DLGAP2: variants seen among roughly 807,000 people sequenced by gnomAD.
DLGAP2 encodes DLG associated protein 2.
A neutral mutation model predicts 100.3 loss-of-function variants in DLGAP2; 26 were observed. That is an observed-to-expected ratio of 0.26 (90% CI 0.19 to 0.36). The LOEUF (loss-of-function observed/expected upper bound fraction) is 0.36. Ranked by LOEUF, DLGAP2 falls within the 10% of genes least tolerant of loss-of-function variation. The probability of loss-of-function intolerance (pLI) is 1.00; values close to 1 mark genes in which losing one functional copy is unlikely to be tolerated. For synonymous variants in DLGAP2, 886 were observed against 630.1 expected (o/e 1.41, Z -6.08); for missense variants, 1,858 against 1,453.2 (o/e 1.28, Z -4.53).
At chr8:1,456,848 G>A (rs191198178) in intron 3 of DLGAP2, among the ~76,000 whole-genome samples, 1 of 152,220 alleles carries the variant, frequency 6.6e-6, no homozygotes, top group East Asian at 1.9e-4. Context: ...GACGTCAGCA[G>A]GCTGTGCACT....
At chr8:1,466,543 G>GTGTGTGTT (rs1798632550) in intron 3 of DLGAP2, among the ~76,000 whole-genome samples, 1 of 138,090 alleles carries the variant, frequency 7.2e-6, no homozygotes, top group African/African-American at 2.7e-5. Context: ...GTGTGTGTGT[G>GTGTGTGTT]TATGTGTGTG....
chr8:1,675,164 A>G (rs1239992692), intron 10 of DLGAP2, among the ~76,000 whole-genome samples: 1 of 152,102 alleles, frequency 6.6e-6, no homozygotes, highest in Non-Finnish European at 1.5e-5. Flanking sequence ...TCAGAATTAC[A>G]CCCGGTGAAA....
At chr8:1,270,830 G>A (rs975099247) in intron 3 of DLGAP2, among the ~76,000 whole-genome samples, 1 of 151,812 alleles carries the variant, frequency 6.6e-6, no homozygotes. Flanking sequence ...CTACCTCTCT[G>A]TGTGTGTGTC....
At chr8:1,301,643 C>G (rs767947398) in intron 3 of DLGAP2, 2 of 152,164 alleles carry the variant, frequency 1.3e-5, no homozygotes, top group African/African-American at 2.4e-5. Flanking sequence ...AAGGAAGGGC[C>G]CAACATAAGC....
chr8:952,753 G>C (rs1001932334), intron 2 of DLGAP2, among the ~76,000 whole-genome samples: 1 of 152,152 alleles, frequency 6.6e-6, no homozygotes, highest in African/African-American at 2.4e-5. Flanking sequence ...GTGATGAGTA[G>C]CATTATTTTA....
intron 2 of DLGAP2, among the ~76,000 whole-genome samples, chr8:1,053,509 G>A (rs772161059): frequency 1.3e-5 from 2 of 152,100 alleles, no homozygotes; most frequent in Non-Finnish European, 2.9e-5. Context: ...CAGGGGTTTT[G>A]AAACCTGGGA....
At chr8:1,080,297 G>C (rs773166688) in intron 2 of DLGAP2, among the ~76,000 whole-genome samples, 9 of 152,072 alleles carry the variant, frequency 5.9e-5, no homozygotes, top group Non-Finnish European at 1.3e-4. Context: ...CCCGCGTGCT[G>C]CTGTGCTCTC....
At chr8:862,238 C>T (rs1051539011) in intron 1 of DLGAP2, among the ~76,000 whole-genome samples, 10 of 151,624 alleles carry the variant, frequency 6.6e-5, no homozygotes, top group Admixed American at 4.6e-4. Context: ...CTGTGGTGGA[C>T]GGTACCCTTT....
At chr8:1,513,442 C>T (rs1304590071) in intron 4 of DLGAP2, among the ~76,000 whole-genome samples, 3 of 152,096 alleles carry the variant, frequency 2.0e-5, no homozygotes, top group Admixed American at 6.5e-5. Context: ...GATACACGTC[C>T]GCCTTTCCCT....
intron 1 of DLGAP2, among the ~76,000 whole-genome samples, chr8:769,756 C>A (rs936519843): frequency 2.6e-5 from 4 of 152,140 alleles, no homozygotes; most frequent in African/African-American, 9.7e-5. Context: ...CTCTTGCGTT[C>A]CCTGGGATTC....
At chr8:946,505 T>G (rs574366787) in intron 2 of DLGAP2, among the ~76,000 whole-genome samples, 2 of 152,064 alleles carry the variant, frequency 1.3e-5, no homozygotes, top group Admixed American at 6.5e-5. Context: ...CCTTGTGATC[T>G]GCCCGCCTTG....
At chr8:823,841 G>A (rs1418803285) in intron 1 of DLGAP2, among the ~76,000 whole-genome samples, 3 of 152,134 alleles carry the variant, frequency 2.0e-5, no homozygotes, top group South Asian at 2.1e-4. Context: ...AAGAGTCTGC[G>A]GCCTGGGTCC....
At chr8:788,300 G>C (rs926298640) in intron 1 of DLGAP2, among the ~76,000 whole-genome samples, 3 of 152,250 alleles carry the variant, frequency 2.0e-5, no homozygotes, top group African/African-American at 4.8e-5. Flanking sequence ...GTCTGGTCGA[G>C]ATAGCAGCAT....
At position 1,619,472 on chromosome 8, in the gene DLGAP2, A is replaced by G. The variant is rs149587701; in HGVS notation, c.1443-7268A>G. Among the ~76,000 whole-genome samples the G allele has an allele frequency of 8.5e-4, 130 of 152,312 alleles. 2 individuals carry two copies. The South Asian group carries it at 0.01, about 12-fold the overall frequency. On this transcript the variant is annotated intron_variant, in intron 6 of 14. Coordinates refer to ENST00000637795, the MANE Select transcript of DLGAP2 (RefSeq NM_001346810.2). Reference sequence around the variant, plus strand: ...GTATATATTTTTCTGTTTCATTTCTATGTAAGAAAGAAAAATAAATTTTTT... The same window carrying G: ...GTATATATTTTTCTGTTTCATTTCTGTGTAAGAAAGAAAAATAAATTTTTT...
intron 2 of DLGAP2, among the ~76,000 whole-genome samples, chr8:1,117,197 T>C (rs545958886): frequency 1.1e-4 from 17 of 152,144 alleles, no homozygotes; most frequent in African/African-American, 3.9e-4. Context: ...CCTGTCTTCT[T>C]GAGGTGAGCC....
intron 3 of DLGAP2, among the ~76,000 whole-genome samples, chr8:1,382,153 C>T (rs969617394): frequency 6.6e-6 from 1 of 152,188 alleles, no homozygotes; most frequent in Admixed American, 6.5e-5. Context: ...GTCACTGACA[C>T]ACATTGTGTT....
At chr8:1,181,134 G>A (rs1316461874) in intron 2 of DLGAP2, among the ~76,000 whole-genome samples, 19 of 51,310 alleles carry the variant, frequency 3.7e-4, no homozygotes, top group African/African-American at 1.6e-3. Context: ...GTCACTTACT[G>A]TCGAGTGTGG....
intron 3 of DLGAP2, among the ~76,000 whole-genome samples, chr8:1,437,500 T>A (rs1797679705): frequency 6.6e-6 from 1 of 152,226 alleles, no homozygotes; most frequent in African/African-American, 2.4e-5. Flanking sequence ...CTGAGCAGGT[T>A]CTGACATCGA....
chr8:1,258,488 G>A (rs571952560), intron 2 of DLGAP2, among the ~76,000 whole-genome samples: 9 of 152,056 alleles, frequency 5.9e-5, no homozygotes, highest in Non-Finnish European at 8.8e-5. Flanking sequence ...TATTGCATGC[G>A]GGGCTTAAAA....
Sources: gnomAD v4.1 joint callset for allele counts (sites outside exome capture counted in the v4.1 genomes callset) on GRCh38, gnomAD v4.1.1 for gene constraint, MANE v1.5 for transcripts, NCBI Gene and HGNC (gene_info 2026-07-23, HGNC 2026-07-21) for gene names.